Variants in NKAIN3 observed in about 807,000 individuals in gnomAD.
The protein encoded by NKAIN3 is sodium/potassium-transporting ATPase subunit beta-1-interacting protein 3.
Under a neutral mutation model 30.2 loss-of-function variants are expected in NKAIN3, and 25 were observed. The observed-to-expected ratio is 0.83, with a 90% confidence interval of 0.60 to 1.16. The LOEUF is 1.16. NKAIN3 is among the 50% of genes most tolerant of loss of function. The pLI is 0.00. For synonymous variants in NKAIN3, 91 were observed against 89.6 expected, an observed-to-expected ratio of 1.02 and a Z score of -0.09; for missense variants, 225 against 254.1, an observed-to-expected ratio of 0.89 and a Z score of 0.78.
chr8:62,502,810 C>T (rs1807502370), intron 1 of NKAIN3, among the ~76,000 whole-genome samples: 1 of 152,154 alleles, frequency 6.6e-6, no homozygotes, highest in African/African-American at 2.4e-5. Context: ...GTTCGAAGTG[C>T]AATTGGACTG....
At chr8:62,769,371 G>A (rs1816947749) in intron 4 of NKAIN3, among the ~76,000 whole-genome samples, 1 of 152,080 alleles carries the variant, frequency 6.6e-6, no homozygotes, top group African/African-American at 2.4e-5. Flanking sequence ...TACATGCTAA[G>A]GTACTCTACA....
intron 4 of NKAIN3, chr8:62,855,488 T>C: frequency 7.2e-7 from 1 of 1,381,748 alleles, no homozygotes; most frequent in South Asian, 1.2e-5. Context: ...TTGTTTTCTC[T>C]TGGTAAATTT....
At chr8:62,731,121 G>C (rs1000756182) in intron 3 of NKAIN3, among the ~76,000 whole-genome samples, 1 of 151,946 alleles carries the variant, frequency 6.6e-6, no homozygotes, top group Admixed American at 6.6e-5. Context: ...ATTTCTCCAG[G>C]GAAGACCTGG....
At chr8:62,320,020 A>G (rs1475333107) in intron 1 of NKAIN3, among the ~76,000 whole-genome samples, 1 of 152,042 alleles carries the variant, frequency 6.6e-6, no homozygotes, top group African/African-American at 2.4e-5. Flanking sequence ...GTGCTCCTGT[A>G]TTGGGTGCAT....
intron 5 of NKAIN3, among the ~76,000 whole-genome samples, chr8:62,994,278 C>A (rs141715305): frequency 4.8e-4 from 73 of 152,264 alleles, no homozygotes; most frequent in African/African-American, 1.7e-3. Flanking sequence ...CGTTATGCAG[C>A]TATCAGAAAA....
chr8:62,390,736 A>G (rs1433066729), intron 1 of NKAIN3, among the ~76,000 whole-genome samples: 1 of 152,080 alleles, frequency 6.6e-6, no homozygotes, highest in South Asian at 2.1e-4. Flanking sequence ...AGCTATTCTG[A>G]CTGGTGTGAG....
intron 5 of NKAIN3, among the ~76,000 whole-genome samples, chr8:62,998,112 C>A (rs1804163086): frequency 1.3e-5 from 2 of 152,164 alleles, no homozygotes; most frequent in Non-Finnish European, 1.5e-5. Flanking sequence ...CTTTACATCC[C>A]CTTGTGTCTC....
At chr8:62,463,401 C>T (rs1806057907) in intron 1 of NKAIN3, among the ~76,000 whole-genome samples, 6 of 152,208 alleles carry the variant, frequency 3.9e-5, no homozygotes, top group Admixed American at 3.9e-4. Context: ...GTATGTTCTA[C>T]ACTATCATAT....
At chr8:62,600,160 T>C (rs911459219) in intron 3 of NKAIN3, among the ~76,000 whole-genome samples, 9 of 152,078 alleles carry the variant, frequency 5.9e-5, no homozygotes, top group Non-Finnish European at 1.0e-4. Flanking sequence ...TTTCTCCTAA[T>C]TGACTTATCT....
chr8:62,888,890 T>C (rs1821221388), intron 4 of NKAIN3, among the ~76,000 whole-genome samples: 1 of 152,196 alleles, frequency 6.6e-6, no homozygotes, highest in South Asian at 2.1e-4. Flanking sequence ...CTGTGTTGTT[T>C]ATTCAACAAA....
chr8:62,910,142 A>C (rs1310592755), intron 4 of NKAIN3, among the ~76,000 whole-genome samples: 1 of 152,182 alleles, frequency 6.6e-6, no homozygotes, highest in Non-Finnish European at 1.5e-5. Flanking sequence ...GGAAAAGGAA[A>C]AATAAATAAA....
intron 4 of NKAIN3, among the ~76,000 whole-genome samples, chr8:62,757,243 A>C (rs1816482776): frequency 6.6e-6 from 1 of 152,200 alleles, no homozygotes; most frequent in Non-Finnish European, 1.5e-5. Context: ...CTTAGGTTAG[A>C]GTAACTATTA....
chr8:62,884,903 AT>A (rs202172305), intron 4 of NKAIN3, among the ~76,000 whole-genome samples: 2 of 150,590 alleles, frequency 1.3e-5, no homozygotes, highest in African/African-American at 4.9e-5. Context: ...AATGTTATTG[AT>A]TTTTTTTATT....
intron 4 of NKAIN3, among the ~76,000 whole-genome samples, chr8:62,772,575 C>T (rs755952463): frequency 5.3e-5 from 8 of 151,682 alleles, no homozygotes; most frequent in Non-Finnish European, 1.0e-4. Context: ...ATTTCTCTGA[C>T]GTTCAGTGAT....
intron 4 of NKAIN3, among the ~76,000 whole-genome samples, chr8:62,794,529 T>C (rs186466763): frequency 1.3e-5 from 2 of 152,254 alleles, no homozygotes; most frequent in African/African-American, 4.8e-5. Flanking sequence ...TGTTCTTACA[T>C]ATCTATTAAA....
intron 4 of NKAIN3, among the ~76,000 whole-genome samples, chr8:62,762,499 C>G (rs899468551): frequency 1.1e-4 from 17 of 152,066 alleles, no homozygotes; most frequent in Non-Finnish European, 1.3e-4. Flanking sequence ...GAAGATGTGA[C>G]ACACAATTTA....
rs1239481559 is a variant in NKAIN3 at position 62,744,737 on chromosome 8, C to CT, written c.274-2194dup. Among the ~76,000 whole-genome samples, 5 of 152,118 alleles carry CT rather than the reference C, an allele frequency of 3.3e-5. No homozygotes were observed. In the East Asian group the frequency reaches 9.6e-4, roughly 29 times the overall value. ...CCTTGCGTTAAACTGAATTTGGTAG[C>CT]TGAAGCAATTATTTCTCTATAATAT... On this transcript the variant is annotated intron_variant, in intron 3 of 6. Transcript: ENST00000623646.
intron 1 of NKAIN3, among the ~76,000 whole-genome samples, chr8:62,377,099 T>A (rs1033490846): frequency 6.6e-6 from 1 of 152,192 alleles, no homozygotes; most frequent in Non-Finnish European, 1.5e-5. Flanking sequence ...AATGGAAAAT[T>A]AACAATAGAC....
intron 1 of NKAIN3, among the ~76,000 whole-genome samples, chr8:62,390,177 C>T (rs79564341): frequency 0.14 from 21,042 of 151,964 alleles, 1,732 homozygotes; most frequent in East Asian, 0.4. Flanking sequence ...GTTATTCTTC[C>T]TGATCCCTTC....
Sources: gnomAD v4.1 joint callset for allele counts (sites outside exome capture counted in the v4.1 genomes callset) on GRCh38, gnomAD v4.1.1 for gene constraint, MANE v1.5 for transcripts, NCBI Gene and HGNC (gene_info 2026-07-23, HGNC 2026-07-21) for gene names.